Variants in ZNF541 observed in about 807,000 individuals in gnomAD.
ZNF541 encodes the protein zinc finger protein 541.
In ZNF541, 23 loss-of-function variants were observed where a neutral mutation model predicts 123.5. That is an observed-to-expected ratio of 0.19 (90% confidence interval 0.13 to 0.26). The LOEUF (loss-of-function observed/expected upper bound fraction) is 0.26. Among genes scored for constraint, ZNF541 ranks in the 10% least tolerant of loss-of-function variants. ZNF541 has a pLI of 1.00. For missense variants in ZNF541, 1,612 were observed against 1,789.9 expected, an observed-to-expected ratio of 0.90 and a Z score of 1.79; for synonymous variants, 751 against 754.5, an observed-to-expected ratio of 1.00 and a Z score of 0.08.
At chr19:47,530,690 A>T (rs141027393) in intron 12 of ZNF541, among the ~76,000 whole-genome samples, 2,105 of 152,116 alleles carry the variant, frequency 0.014, 32 homozygotes, top group Middle Eastern at 0.054. Flanking sequence ...TCTGTTGCCC[A>T]GGCTGGAGTG....
intron 7 of ZNF541, 95 bp downstream of exon 7, chr19:47,540,081 T>C: frequency 6.8e-7 from 1 of 1,463,164 alleles, no homozygotes; most frequent in Non-Finnish European, 9.1e-7. Flanking sequence ...CAGAGTGACG[T>C]CCCCATCCTG....
chr19:47,568,124 T>C (rs1035996798), intron 2 of ZNF541, among the ~76,000 whole-genome samples: 4 of 152,116 alleles, frequency 2.6e-5, no homozygotes, highest in African/African-American at 9.7e-5. Context: ...TTTTCATTCA[T>C]GAGTGACAGA....
intron 2 of ZNF541, among the ~76,000 whole-genome samples, chr19:47,560,685 T>C (rs1971025868): frequency 6.6e-6 from 1 of 152,046 alleles, no homozygotes; most frequent in South Asian, 2.1e-4. Context: ...TAAAATCTTA[T>C]CATGCAATCC....
In ZNF541 at chr19:47,540,292, T is replaced by C. The variant is rs1970024125; in HGVS notation, c.2506A>G (p.Ser836Gly). 5.2e-6 allele frequency: 8 copies of C among 1,552,070 alleles called. No individual in the cohort carries two copies. Among genetic ancestry groups the C allele is most frequent in the Middle Eastern group, 1.7e-4 (1 of 5,992 alleles). Residue 836 changes from serine (S) to glycine (G), a missense_variant, in exon 7 of 17, where the codon AGC becomes GGC. Ser to Gly is a moderately conservative substitution (Grantham distance 56). This residue lies in a region of ZNF541 where 1,080 missense variants were observed against 1,013.8 expected (regional missense o/e 1.07). Coordinates refer to ENST00000391901, the MANE Select transcript of ZNF541 (RefSeq NM_001277075.3). ...CTGCAGTTCTTGCAGACAAAAGTGC[T>C]CCTGGGCTTCGTCCAGTCTGTGGGA... is the stretch of plus-strand genomic sequence containing the variant. ...GSPTDWTKPR[S>G]TFVCKNCSQM...
chr19:47,555,450 GA>G (rs1233149573), intron 3 of ZNF541, 99 bp downstream of exon 3: 6 of 1,254,376 alleles, frequency 4.8e-6, no homozygotes, highest in Middle Eastern at 2.5e-4. Flanking sequence ...CTGTAGGAGG[GA>G]AAAATTTTCT....
chr19:47,538,346 G>A lies in ZNF541; in HGVS notation c.2890C>T (p.Pro964Ser), dbSNP rs1427671304. 1 of 1,542,890 alleles carries A rather than the reference G, an allele frequency of 6.5e-7. No individual in the cohort carries two copies. Among genetic ancestry groups the A allele is most frequent in the Non-Finnish European group, 8.8e-7 (1 of 1,141,942 alleles). ...CTCTGGTGGCATCCTGCAGGGCCAGGCTCCCCAGCCGTGGAGGGTGGGGGC... is the reference window on the plus strand; with the variant it reads ...CTCTGGTGGCATCCTGCAGGGCCAGACTCCCCAGCCGTGGAGGGTGGGGGC... Reference protein sequence around the residue: ...KRPPPSTAGEPGPAGCHQSRL... With the variant: ...KRPPPSTAGESGPAGCHQSRL... The change falls in exon 9 of 17, where the codon CCT (proline) becomes TCT (serine). Residue 964 changes from proline (P) to serine (S), a missense_variant. By Grantham distance (74) the Pro-to-Ser change is moderately conservative. This residue lies in a region of ZNF541 where 1,080 missense variants were observed against 1,013.8 expected (regional missense o/e 1.07). Coordinates refer to ENST00000391901, the MANE Select transcript of ZNF541 (RefSeq NM_001277075.3).
At chr19:47,563,681 A>C (rs1971153366) in intron 2 of ZNF541, among the ~76,000 whole-genome samples, 1 of 152,170 alleles carries the variant, frequency 6.6e-6, no homozygotes, top group African/African-American at 2.4e-5. Flanking sequence ...ATCTCGGCTC[A>C]CTGCAACCTC....
In ZNF541 at chr19:47,572,427, C is replaced by T. The variant is rs375114054; in HGVS notation, c.-245-385G>A. Among the ~76,000 whole-genome samples the T allele has an allele frequency of 3.3e-5, 5 of 151,800 alleles. No homozygotes were observed. In the East Asian group the frequency reaches 9.7e-4, roughly 29 times the overall value. On this transcript the variant is annotated intron_variant, in intron 1 of 16. Coordinates refer to ENST00000391901, the MANE Select transcript of ZNF541 (RefSeq NM_001277075.3). ...AGCGAAGATATTCCAAAAAGGGGCA[C>T]TCTAGGTGTGAAGAAAAAAATTTTG... is the stretch of plus-strand genomic sequence containing the variant.
At chr19:47,532,791 T>C in intron 10 of ZNF541, 118 bp downstream of exon 10, 1 of 836,978 alleles carries the variant, frequency 1.2e-6, no homozygotes. Flanking sequence ...GCTTCACGCC[T>C]AGGGAGCCTA....
chr19:47,561,445 T>C (rs1159663895), intron 2 of ZNF541, among the ~76,000 whole-genome samples: 1 of 151,562 alleles, frequency 6.6e-6, no homozygotes. Context: ...CTCAAAATAA[T>C]TAATTAATTA....
At chr19:47,548,125 A>C (rs1004649885) in intron 4 of ZNF541, among the ~76,000 whole-genome samples, 2 of 122,654 alleles carry the variant, frequency 1.6e-5, no homozygotes, top group Non-Finnish European at 3.1e-5. Flanking sequence ...AAAAGAAAAA[A>C]AAACAAAAAA....
At chr19:47,553,366 G>A (rs1970685468) in intron 3 of ZNF541, among the ~76,000 whole-genome samples, 1 of 149,410 alleles carries the variant, frequency 6.7e-6, no homozygotes, top group Non-Finnish European at 1.5e-5. Flanking sequence ...AGCCTCCCGA[G>A]TAGCTGGGAT....
intron 2 of ZNF541, among the ~76,000 whole-genome samples, chr19:47,562,003 T>C (rs2974198): frequency 0.37 from 55,962 of 152,096 alleles, 15,360 homozygotes; most frequent in African/African-American, 0.77. Flanking sequence ...AATCCCAGCA[T>C]TTTGGGAGGC....
At chr19:47,531,555 T>C in intron 12 of ZNF541, 87 bp downstream of exon 12, 3 of 1,083,752 alleles carry the variant, frequency 2.8e-6, no homozygotes, top group Admixed American at 2.9e-5. Flanking sequence ...TTCCATCCGC[T>C]CTGAACCCCC....
intron 9 of ZNF541, among the ~76,000 whole-genome samples, chr19:47,534,278 A>T (rs757761494): frequency 6.6e-6 from 1 of 152,208 alleles, no homozygotes; most frequent in Admixed American, 6.5e-5. Context: ...GCCTCAGAGA[A>T]ATGTGGGATA....
At chr19:47,546,784 C>T (rs1304352855) in intron 4 of ZNF541, among the ~76,000 whole-genome samples, 2 of 152,166 alleles carry the variant, frequency 1.3e-5, no homozygotes, top group Non-Finnish European at 2.9e-5. Context: ...TGCAATGGCA[C>T]GATCTCGGCT....
At chr19:47,562,120 G>T (rs1282244546) in intron 2 of ZNF541, among the ~76,000 whole-genome samples, 1 of 152,126 alleles carries the variant, frequency 6.6e-6, no homozygotes, top group Non-Finnish European at 1.5e-5. Context: ...GTGGTGGCAG[G>T]CACCTGCAAT....
chr19:47,534,457 C>A (rs1047027064), intron 9 of ZNF541, among the ~76,000 whole-genome samples: 1 of 152,088 alleles, frequency 6.6e-6, no homozygotes, highest in Non-Finnish European at 1.5e-5. Flanking sequence ...TCAAGACCAG[C>A]CTGGCTAACA....
intron 3 of ZNF541, among the ~76,000 whole-genome samples, chr19:47,554,809 G>A (rs545794428): frequency 6.6e-6 from 1 of 152,160 alleles, no homozygotes; most frequent in Admixed American, 6.5e-5. Context: ...ACTAAGAATT[G>A]GGGGCCGAGT....
Sources: gnomAD v4.1 joint callset for allele counts (sites outside exome capture counted in the v4.1 genomes callset) on GRCh38, gnomAD v4.1.1 for gene constraint, gnomAD v4.1.1 regional missense constraint, MANE v1.5 for transcripts, NCBI Gene and HGNC (gene_info 2026-07-23, HGNC 2026-07-21) for gene names.